Variants in CTSC observed in about 807,000 individuals in gnomAD.
CTSC encodes dipeptidyl peptidase 1.
CTSC carries 37 observed loss-of-function variants against 40.9 expected under a neutral mutation model. That is an observed-to-expected ratio of 0.91 (90% CI 0.70 to 1.19). The LOEUF is 1.19. CTSC is among the 50% of genes most tolerant of loss of function. CTSC has a pLI of 0.00. For synonymous variants in CTSC, 232 were observed against 207.4 expected, an observed-to-expected ratio of 1.12 and a Z score of -1.02; for missense variants, 594 against 567.3, an observed-to-expected ratio of 1.05 and a Z score of -0.48.
At chr11:88,326,100 C>T (rs1285799279) in intron 2 of CTSC, 6 of 1,277,138 alleles carry the variant, frequency 4.7e-6, no homozygotes, top group Non-Finnish European at 5.9e-6. Context: ...GTATATTGTT[C>T]CTTTTATTAA....
chr11:88,319,597 G>A (rs1444597061), intron 2 of CTSC, among the ~76,000 whole-genome samples: 1 of 152,008 alleles, frequency 6.6e-6, no homozygotes. Flanking sequence ...TAATAATGAA[G>A]AATATTTTAC....
At chr11:88,309,974 A>T (rs983274120) in intron 3 of CTSC, among the ~76,000 whole-genome samples, 2 of 152,156 alleles carry the variant, frequency 1.3e-5, no homozygotes, top group African/African-American at 4.8e-5. Flanking sequence ...AAGAAAAAAG[A>T]GAAAAGCAAA....
chr11:88,337,500 C>A lies in CTSC; in HGVS notation c.172+1G>T. On this transcript the variant is annotated splice_donor_variant, in intron 1 of 6. Transcript: ENST00000227266. LOFTEE classifies it high-confidence loss of function. Reference sequence around the variant, plus strand: ...GGAGGACTGCCGAGCCGGCGGCTTACCCATAACCGAGCAGTTGACATCGCG... The same window carrying A: ...GGAGGACTGCCGAGCCGGCGGCTTAACCATAACCGAGCAGTTGACATCGCG... 1 of 1,570,584 alleles carries A rather than the reference C, an allele frequency of 6.4e-7. No individual in the cohort carries two copies. Among genetic ancestry groups the A allele is most frequent in the Non-Finnish European group, 8.6e-7 (1 of 1,156,920 alleles).
chr11:88,317,712 T>C (rs948708663), intron 2 of CTSC, among the ~76,000 whole-genome samples: 47 of 152,348 alleles, frequency 3.1e-4, no homozygotes, highest in African/African-American at 1.1e-3. Context: ...GACCCCGCTA[T>C]CCAGCTTGAA....
In CTSC at chr11:88,296,010, C is replaced by T. The variant is rs1944294450; in HGVS notation, c.889+123G>A. Reference sequence around the variant, plus strand: ...AATAAGTGATAGGGCCAGACTTGCACTCAGATTTTCTGACTATAGACACTG... The same window carrying T: ...AATAAGTGATAGGGCCAGACTTGCATTCAGATTTTCTGACTATAGACACTG... On this transcript the variant is annotated intron_variant, in intron 6 of 6. Transcript: ENST00000227266. The T allele has an allele frequency of 6.8e-6, 7 of 1,036,996 alleles. No individual in the cohort carries two copies. The East Asian group carries it at 9.7e-5, about 14-fold the overall frequency. The allele number at this position is 1,036,996 out of a possible 1,614,324, so 64.2% of individuals were successfully genotyped here.
In CTSC at chr11:88,312,630, T is replaced by G. The variant is rs1937790484; in HGVS notation, c.319-76A>C. On this transcript the variant is annotated intron_variant, in intron 2 of 6. Coordinates refer to ENST00000227266, the MANE Select transcript of CTSC (RefSeq NM_001814.6). Reference sequence around the variant, plus strand: ...TCAGGTCCATTTCCATGGCTCTCATTCACAGTAAATGTGCCCCTTTCAAAA... The same window carrying G: ...TCAGGTCCATTTCCATGGCTCTCATGCACAGTAAATGTGCCCCTTTCAAAA... 1.8e-5 allele frequency: 26 copies of G among 1,482,188 alleles called. 1 individual carries two copies. The South Asian group carries it at 2.9e-4, about 16-fold the overall frequency. 91.8% of individuals were successfully genotyped at this position (1,482,188 alleles called of 1,614,324 possible).
At chr11:88,324,483 TTG>T in intron 2 of CTSC, 6 of 982,766 alleles carry the variant, frequency 6.1e-6, no homozygotes, top group Non-Finnish European at 7.3e-6. Flanking sequence ...CATTCCTGAT[TTG>T]TCTTTCTAGA....
intron 5 of CTSC, chr11:88,299,088 A>G (rs955320417): frequency 6.6e-6 from 1 of 152,198 alleles, no homozygotes; most frequent in African/African-American, 2.4e-5. Context: ...CTGCCATTAA[A>G]AAAATCCTAA....
chr11:88,331,427 A>T (rs756606688), intron 2 of CTSC, among the ~76,000 whole-genome samples: 1 of 152,222 alleles, frequency 6.6e-6, no homozygotes, highest in Admixed American at 6.5e-5. Flanking sequence ...ATTACAAAGG[A>T]TATTTGAAAG....
chr11:88,301,929 CTCCTGTA>C (rs1222936403), intron 4 of CTSC, among the ~76,000 whole-genome samples: 1 of 152,000 alleles, frequency 6.6e-6, no homozygotes. Flanking sequence ...TATGCTGCTG[CTCCTGTA>C]ACCTCAAGTG....
In CTSC at chr11:88,309,105, G is replaced by C. The variant is rs941614841; in HGVS notation, c.641+58C>G. On this transcript the variant is annotated intron_variant, in intron 4 of 6. Transcript: ENST00000227266. The stretch of plus-strand genomic sequence containing the variant: ...GCAACACTGGTAGGACTGCTTAGGA[G>C]GGAGGATGGTATTCAGCATTCATAT... 12 of 1,490,520 alleles carry C rather than the reference G, an allele frequency of 8.1e-6. No homozygotes were observed. In the Admixed American group the frequency reaches 1.0e-4, roughly 13 times the overall value. The allele number at this position is 1,490,520 out of a possible 1,614,324, so 92.3% of individuals were successfully genotyped here.
At chr11:88,332,759 G>A (rs1938395357) in intron 2 of CTSC, among the ~76,000 whole-genome samples, 1 of 152,128 alleles carries the variant, frequency 6.6e-6, no homozygotes, top group African/African-American at 2.4e-5. Flanking sequence ...TTTGTCAAAT[G>A]GGCACTTTAA....
intron 4 of CTSC, among the ~76,000 whole-genome samples, chr11:88,303,914 C>CAGAG (rs147665714): frequency 0.02 from 2,938 of 148,268 alleles, 51 homozygotes; most frequent in Middle Eastern, 0.05. Flanking sequence ...GGAAGAAGAT[C>CAGAG]AGAGAGAGAG....
intron 6 of CTSC, 28 bp downstream of exon 6, chr11:88,296,105 T>C (rs1288810919): frequency 5.0e-6 from 8 of 1,612,454 alleles, no homozygotes; most frequent in Non-Finnish European, 6.8e-6. Flanking sequence ...AAATAGCTCA[T>C]AAATGGTGTC....
chr11:88,320,094 T>TA (rs1937965066), intron 2 of CTSC, among the ~76,000 whole-genome samples: 1 of 152,226 alleles, frequency 6.6e-6, no homozygotes. Flanking sequence ...AAGGAATAGC[T>TA]ATAGTTTTCT....
intron 2 of CTSC, among the ~76,000 whole-genome samples, chr11:88,316,721 C>G (rs1937887906): frequency 6.6e-6 from 1 of 152,052 alleles, no homozygotes; most frequent in African/African-American, 2.4e-5. Context: ...AGAGGAAGAA[C>G]AACAAATGTC....
At chr11:88,333,300 TC>T (rs1321610098) in intron 2 of CTSC, among the ~76,000 whole-genome samples, 2 of 152,358 alleles carry the variant, frequency 1.3e-5, no homozygotes, top group East Asian at 3.9e-4. Context: ...TTTTACCTAT[TC>T]CTCATCTCCT....
At chr11:88,316,027 A>G (rs982974648) in intron 2 of CTSC, among the ~76,000 whole-genome samples, 18 of 151,628 alleles carry the variant, frequency 1.2e-4, no homozygotes, top group African/African-American at 4.3e-4. Flanking sequence ...AAAAAGGTGC[A>G]GAGAATTAAC....
At chr11:88,316,040 A>C (rs1473226327) in intron 2 of CTSC, among the ~76,000 whole-genome samples, 1 of 151,722 alleles carries the variant, frequency 6.6e-6, no homozygotes, top group African/African-American at 2.4e-5. Flanking sequence ...GAATTAACTG[A>C]CTCATGAGTC....
Sources: gnomAD v4.1 joint callset for allele counts (sites outside exome capture counted in the v4.1 genomes callset) on GRCh38, gnomAD v4.1.1 for gene constraint, MANE v1.5 for transcripts, NCBI Gene and HGNC (gene_info 2026-07-23, HGNC 2026-07-21) for gene names.